Variants in ANK2 observed in about 807,000 individuals in gnomAD.
The protein encoded by ANK2 is ankyrin 2.
ANK2 carries 83 observed loss-of-function variants against 360.5 expected under a neutral mutation model. The observed-to-expected ratio is 0.23, with a 90% CI of 0.19 to 0.28. The LOEUF is 0.28. ANK2 is among the 10% of genes least tolerant of loss of function. The pLI is 1.00. For missense variants in ANK2, 4,201 were observed against 4,795.7 expected, an observed-to-expected ratio of 0.88 and a Z score of 3.66; for synonymous variants, 1,740 against 1,759.5, an observed-to-expected ratio of 0.99 and a Z score of 0.28.
chr4:113,105,636 C>T (rs755027061), intron 1 of ANK2, among the ~76,000 whole-genome samples: 4 of 152,126 alleles, frequency 2.6e-5, no homozygotes, highest in Non-Finnish European at 4.4e-5. Context: ...CATGAAGGTT[C>T]ATTTGTGAAA....
chr4:112,769,295 C>T, the ANK2 span, among the ~76,000 whole-genome samples: 71 of 152,316 alleles, frequency 4.7e-4, no homozygotes, highest in Non-Finnish European at 8.8e-5. Flanking sequence ...TTGCTGCTTT[C>T]TTCAAGTTTG....
intron 4 of ANK2, among the ~76,000 whole-genome samples, chr4:113,231,732 T>C (rs2099310054): frequency 6.6e-6 from 1 of 151,794 alleles, no homozygotes; most frequent in African/African-American, 2.4e-5. Context: ...GCCTCCCGAG[T>C]AGCTGGGATT....
the ANK2 span, among the ~76,000 whole-genome samples, chr4:112,800,902 AC>A: frequency 1.3e-5 from 2 of 151,978 alleles, no homozygotes; most frequent in South Asian, 4.2e-4. Context: ...TAATCCACCC[AC>A]CCCGACCTCC....
At chr4:113,104,792 G>A (rs1225694569) in intron 1 of ANK2, among the ~76,000 whole-genome samples, 1 of 152,000 alleles carries the variant, frequency 6.6e-6, no homozygotes, top group Non-Finnish European at 1.5e-5. Flanking sequence ...AGAGAATGCA[G>A]GATCATAAAA....
chr4:112,751,082 G>C, the ANK2 span, among the ~76,000 whole-genome samples: 1 of 152,062 alleles, frequency 6.6e-6, no homozygotes, highest in Non-Finnish European at 1.5e-5. Flanking sequence ...CCACCTCTCT[G>C]GTAGCTATTT....
chr4:113,302,534 A>G (rs1317869141), intron 22 of ANK2, among the ~76,000 whole-genome samples: 3 of 152,216 alleles, frequency 2.0e-5, no homozygotes, highest in Non-Finnish European at 2.9e-5. Flanking sequence ...TGAGAACTCA[A>G]AATAATGAAC....
chr4:112,829,534 C>T (rs943387284), intron 1 of ANK2, among the ~76,000 whole-genome samples: 9 of 135,504 alleles, frequency 6.6e-5, no homozygotes, highest in African/African-American at 2.6e-4. Context: ...CATGGAGAGA[C>T]ACTTCTCAAA....
At chr4:113,258,753 T>C (rs1032760303) in intron 13 of ANK2, among the ~76,000 whole-genome samples, 2 of 152,172 alleles carry the variant, frequency 1.3e-5, no homozygotes, top group African/African-American at 4.8e-5. Flanking sequence ...TCGAATAGAA[T>C]CTTTAGGGCT....
At chr4:113,152,396 G>A (rs1416610084) in intron 1 of ANK2, 3 of 152,068 alleles carry the variant, frequency 2.0e-5, no homozygotes, top group African/African-American at 7.2e-5. Flanking sequence ...TTTAGTTGCT[G>A]TTTTGGATTT....
chr4:113,367,580 C>T lies in ANK2; in HGVS notation c.11047C>T (p.Gln3683Ter). 6.2e-7 allele frequency: 1 copy of T among 1,613,742 alleles called. No individual in the cohort carries two copies. The highest frequency in any genetic ancestry group is 8.5e-7 in the Non-Finnish European group (1 of 1,179,950). The change falls in exon 42 of 46, where the codon CAA (glutamine) becomes TAA (stop). Residue 3683 changes from glutamine to a stop codon, truncating the protein, a stop_gained. Transcript: ENST00000357077. LOFTEE classifies it high-confidence loss of function. ...TCTGCCTTTAGGGTTCTCGGTACTT[C>T]AAGAGGAGTTATGCACTGCACAGCA... Reference protein sequence around the residue: ...LDHSEGFSVLQEELCTAQHKQ... With the variant: ...LDHSEGFSVL
intron 1 of ANK2, among the ~76,000 whole-genome samples, chr4:112,856,539 C>A (rs749954609): frequency 7.2e-5 from 11 of 152,234 alleles, no homozygotes; most frequent in Non-Finnish European, 1.6e-4. Flanking sequence ...ACCAGCCTGG[C>A]CAATATGGTG....
At chr4:112,717,282 G>T in the ANK2 span, among the ~76,000 whole-genome samples, 2 of 152,066 alleles carry the variant, frequency 1.3e-5, no homozygotes, top group African/African-American at 4.8e-5. Context: ...TATTGGGCTT[G>T]TGTGACCTTT....
chr4:113,021,530 C>CA (rs1554056651), intron 2 of ANK2, among the ~76,000 whole-genome samples: 7 of 13,088 alleles, frequency 5.3e-4, no homozygotes, highest in African/African-American at 1.6e-3. Context: ...ACACACACAC[C>CA]CACACACAAA....
chr4:113,138,684 G>C (rs2096533344), intron 1 of ANK2, among the ~76,000 whole-genome samples: 1 of 152,110 alleles, frequency 6.6e-6, no homozygotes, highest in South Asian at 2.1e-4. Context: ...AAATATTTGA[G>C]TATAGGATTA....
chr4:113,307,220 C>A (rs1248635476), intron 23 of ANK2, among the ~76,000 whole-genome samples: 2 of 152,114 alleles, frequency 1.3e-5, no homozygotes, highest in Non-Finnish European at 2.9e-5. Context: ...TATAGAGGCG[C>A]CTCCTCCTTT....
At chr4:113,339,841 A>G (rs763268301) in intron 32 of ANK2, among the ~76,000 whole-genome samples, 5 of 152,212 alleles carry the variant, frequency 3.3e-5, no homozygotes, top group Admixed American at 6.5e-5. Context: ...GTTAGCTCCC[A>G]TTCCTTTGAT....
chr4:113,151,508 A>G (rs2097083062), intron 1 of ANK2, among the ~76,000 whole-genome samples: 1 of 151,512 alleles, frequency 6.6e-6, no homozygotes, highest in Non-Finnish European at 1.5e-5. Flanking sequence ...TACAGCAAAA[A>G]CTCACTCCTT....
rs771750785 is a variant in ANK2 at position 113,373,137 on chromosome 4, A to G, written c.11658A>G (p.Glu3886=). The G allele has an allele frequency of 1.4e-5, 22 of 1,614,082 alleles. No individual in the cohort carries two copies. Among genetic ancestry groups the G allele is most frequent in the Non-Finnish European group, 1.8e-5 (21 of 1,180,016 alleles). ...EIPPETVTEE[E]YIDEHGHTVV... is the part of the protein sequence containing the mutation. ...CCCCAGAAACAGTCACAGAAGAAGAATACATTGATGAGCATGGACACACCG... is the reference window on the plus strand; with the variant it reads ...CCCCAGAAACAGTCACAGAAGAAGAGTACATTGATGAGCATGGACACACCG... Residue 3886 remains glutamate, a synonymous_variant, in exon 44 of 46, where the codon GAA becomes GAG. Coordinates refer to ENST00000357077, the MANE Select transcript of ANK2 (RefSeq NM_001148.6).
At chr4:113,021,876 A>T (rs532161509) in intron 2 of ANK2, among the ~76,000 whole-genome samples, 1 of 152,184 alleles carries the variant, frequency 6.6e-6, no homozygotes, top group South Asian at 2.1e-4. Context: ...AATATTAACA[A>T]TAACGAAAGT....
Sources: allele counts gnomAD v4.1 joint callset (sites outside exome capture counted in the v4.1 genomes callset), GRCh38; gene constraint gnomAD v4.1.1; transcripts MANE v1.5; gene names NCBI Gene and HGNC (gene_info 2026-07-23, HGNC 2026-07-21).